MMP8: variants seen among roughly 807,000 people sequenced by gnomAD.
MMP8 encodes matrix metallopeptidase 8, also known as neutrophil collagenase.
MMP8 carries 67 observed loss-of-function variants against 51.2 expected under a neutral mutation model. The observed-to-expected ratio is 1.31, with a 90% CI of 1.08 to 1.60. MMP8 has a LOEUF of 1.60. MMP8 is among the 40% of genes most tolerant of loss of function. MMP8 has a pLI of 0.00. For missense variants in MMP8, 654 were observed against 558.1 expected (o/e 1.17, Z -1.73); for synonymous variants, 225 against 191.0 (o/e 1.18, Z -1.47).
rs1333774921 is a variant in MMP8, at chr11:102,721,601, G to A, written c.496+13C>T. 1 of 1,613,734 alleles carries A rather than the reference G, an allele frequency of 6.2e-7. No homozygotes were observed. Among genetic ancestry groups the A allele is most frequent in the Admixed American group, 1.7e-5 (1 of 59,960 alleles). ...AAAGAAAGCAAAACTGAGCATGACT[G>A]CTTTGTACCTACCTCTTTGGTAAAA... On this transcript the variant is annotated intron_variant, in intron 3 of 9. Transcript: ENST00000236826.
chr11:102,713,608 G>T, intron 9 of MMP8, 146 bp downstream of exon 9: 1 of 991,266 alleles, frequency 1.0e-6, no homozygotes, highest in Non-Finnish European at 1.5e-6. Flanking sequence ...GCTAATGCCT[G>T]TAATCCCAGA....
chr11:102,722,789 C>T (rs1861514186), intron 1 of MMP8, 116 bp from the exon 2 acceptor site: 3 of 1,420,568 alleles, frequency 2.1e-6, no homozygotes, highest in Non-Finnish European at 2.8e-6. Flanking sequence ...GCCACAGGAA[C>T]AATAACACAA....
intron 4 of MMP8, among the ~76,000 whole-genome samples, chr11:102,718,898 G>A (rs929836634): frequency 2.0e-5 from 3 of 152,106 alleles, no homozygotes; most frequent in Non-Finnish European, 4.4e-5. Flanking sequence ...ATGACTTTGG[G>A]AACCCCTCTT....
At chr11:102,722,405 A>C in intron 2 of MMP8, 24 bp downstream of exon 2, 1 of 1,611,832 alleles carries the variant, frequency 6.2e-7, no homozygotes, top group Non-Finnish European at 8.5e-7. Context: ...AAATGAGTGT[A>C]TCCTGAAACC....
intron 1 of MMP8, chr11:102,723,386 G>A (rs1861531423): frequency 2.6e-6 from 1 of 379,484 alleles, no homozygotes; most frequent in Admixed American, 3.1e-5. Flanking sequence ...TGAACACCTG[G>A]CACCTTGTCA....
rs879066200 is a variant in MMP8, at chr11:102,713,368, G to A, written c.1384C>T (p.Leu462Phe). 1.9e-6 allele frequency: 3 copies of A among 1,612,662 alleles called. No homozygotes were observed. Among genetic ancestry groups the A allele is most frequent in the Non-Finnish European group, 2.5e-6 (3 of 1,178,918 alleles). Residue 462 changes from leucine to phenylalanine, a missense_variant, in exon 10 of 10, where the codon CTT (leucine) becomes TTT (phenylalanine). Leu to Phe is a conservative substitution (Grantham distance 22). Coordinates refer to ENST00000236826, the MANE Select transcript of MMP8 (RefSeq NM_002424.3). ...VTRVARGNKW[L>F]NCRYG ...TTGCTTCAGCCATATCTACAGTTAAGCCATTTATTGCCTCTTGCAACTCTG... is the reference window on the plus strand; with the variant it reads ...TTGCTTCAGCCATATCTACAGTTAAACCATTTATTGCCTCTTGCAACTCTG...
chr11:102,719,464 T>A lies in MMP8; in HGVS notation c.623-889A>T, dbSNP rs145028914. Among the ~76,000 whole-genome samples, 22 of 149,644 alleles carry A rather than the reference T, an allele frequency of 1.5e-4. No homozygotes were observed. The East Asian group carries it at 4.1e-3, about 28-fold the overall frequency. ...CTAATGTTATGCAATCCTCATAACA[T>A]TTTTCTGAAGTTTTATTAACAATAT... On this transcript the variant is annotated intron_variant, in intron 4 of 9. Coordinates refer to ENST00000236826, the MANE Select transcript of MMP8 (RefSeq NM_002424.3).
chr11:102,722,795 C>T (rs1461253624), intron 1 of MMP8, 122 bp from the exon 2 acceptor site: 2 of 1,406,124 alleles, frequency 1.4e-6, no homozygotes, highest in South Asian at 1.4e-5. Flanking sequence ...GGAACAATAA[C>T]ACAAATTAAT....
At chr11:102,724,404 T>C (rs1939012) in intron 1 of MMP8, among the ~76,000 whole-genome samples, 88,013 of 152,004 alleles carry the variant, frequency 0.58, 26,033 homozygotes, top group African/African-American at 0.71. Context: ...AGACATATAG[T>C]AACTTGATTG....
At position 102,713,800 on chromosome 11, in the gene MMP8, G is replaced by T. The variant is rs747191851; in HGVS notation, c.1248C>A (p.Ala416=). The T allele has an allele frequency of 6.2e-7, 1 of 1,612,146 alleles. No individual in the cohort carries two copies. Among genetic ancestry groups the T allele is most frequent in the Non-Finnish European group, 8.5e-7 (1 of 1,179,266 alleles). The change falls in exon 9 of 10, where the codon GCC becomes GCA. Residue 416 remains alanine, a synonymous_variant. Transcript: ENST00000236826. ...CAACTTTACTCTCTATTCCTGGAAA[G>T]GCACCTGATATGCTTTTGGGATAAC... is the stretch of plus-strand genomic sequence containing the variant. ...EPGYPKSISG[A]FPGIESKVDA...
intron 4 of MMP8, among the ~76,000 whole-genome samples, chr11:102,718,945 A>G (rs905875966): frequency 6.6e-6 from 1 of 152,162 alleles, no homozygotes; most frequent in African/African-American, 2.4e-5. Context: ...CCACTGTCCC[A>G]GACACTCAGC....
In MMP8 at chr11:102,712,683, A is replaced by T. The variant is rs1347700430; in HGVS notation, c.*665T>A. 1.3e-5 allele frequency: 2 copies of T among 152,158 alleles called. No individual in the cohort carries two copies. Among genetic ancestry groups the T allele is most frequent in the African/African-American group, 4.8e-5 (2 of 41,422 alleles). The allele number at this position is 152,158 out of a possible 1,614,324, so 9.4% of individuals were successfully genotyped here. A position where few individuals can be genotyped will look rare whatever the true frequency, so the allele number is the denominator to read the frequency against. ...AGGTGACTATGCCTCTCTTCTTCTT[A>T]TAAGAACAACAGTCATAATGGATTT... On this transcript the variant is annotated 3_prime_UTR_variant, in exon 10 of 10. Transcript: ENST00000236826.
Position 102,718,519 on chromosome 11 carries a change from G to T in MMP8, c.679C>A (p.His227Asn). ...HEFGHSLGLA[H>N]SSDPGALMYP... ...ATCAAGGCACCAGGGTCAGAGGAGTGAGCGAGCCCCAAAGAATGGCCAAAT... is the reference window on the plus strand; with the variant it reads ...ATCAAGGCACCAGGGTCAGAGGAGTTAGCGAGCCCCAAAGAATGGCCAAAT... Residue 227 changes from histidine (H) to asparagine (N), a missense_variant, in exon 5 of 10, where the codon CAC (histidine) becomes AAC (asparagine). By Grantham distance (68) the His-to-Asn change is moderately conservative. Transcript: ENST00000236826. The T allele has an allele frequency of 6.2e-7, 1 of 1,613,960 alleles. No individual in the cohort carries two copies.
rs5007518 is a variant in MMP8 at position 102,713,735 on chromosome 11, G to A, written c.1294+19C>T. On this transcript the variant is annotated intron_variant, in intron 9 of 9. Transcript: ENST00000236826. The stretch of plus-strand genomic sequence containing the variant: ...AACAAACAAACAACACATTTATTAG[G>A]TTTTTTTTTCCTACTTACGTTCTTG... 1.1e-3 allele frequency: 1,591 copies of A among 1,478,238 alleles called. 26 individuals are homozygous for A. The East Asian group carries it at 0.026, about 24-fold the overall frequency. The allele number at this position is 1,478,238 out of a possible 1,614,324, so 91.6% of individuals were successfully genotyped here. A position where few individuals can be genotyped will look rare whatever the true frequency, so the allele number is the denominator to read the frequency against.
chr11:102,718,032 G>A (rs1366926656), intron 5 of MMP8, among the ~76,000 whole-genome samples: 3 of 151,976 alleles, frequency 2.0e-5, no homozygotes, highest in Non-Finnish European at 4.4e-5. Flanking sequence ...GCTTGAACTT[G>A]GGAGGCAGAG....
In MMP8 at chr11:102,711,806, T is replaced by C. The variant is rs1861131939; in HGVS notation, c.*1542A>G. 1 of 152,170 alleles carries C rather than the reference T, an allele frequency of 6.6e-6. No homozygotes were observed. Among genetic ancestry groups the C allele is most frequent in the South Asian group, 2.1e-4 (1 of 4,832 alleles). 9.4% of individuals were successfully genotyped at this position (152,170 alleles called of 1,614,324 possible). ...CAAATCACAAATCAGTCATTTGAAG[T>C]AAAAATCTTTAATTTGAACTTATTT... On this transcript the variant is annotated 3_prime_UTR_variant, in exon 10 of 10. Transcript: ENST00000236826.
At chr11:102,716,260 T>C in intron 6 of MMP8, 42 bp downstream of exon 6, 1 of 1,334,724 alleles carries the variant, frequency 7.5e-7, no homozygotes, top group Admixed American at 1.8e-5. Flanking sequence ...TTAAGGTATG[T>C]CAGTAAGAGG....
At chr11:102,721,808 A>G (rs778198323) in intron 2 of MMP8, 46 bp from the exon 3 acceptor site, 3 of 1,599,820 alleles carry the variant, frequency 1.9e-6, no homozygotes, top group South Asian at 2.2e-5. Flanking sequence ...TATTTAGAAC[A>G]GTAGTCCATC....
Position 102,721,708 on chromosome 11 carries a change from C to T in MMP8, c.402G>A (p.Lys134=), listed in dbSNP as rs1272465083. ...CAACACTCCAGAGTTCAAAGGCATC[C>T]TTGATAGCTCTTTCTACCTCAGCCT... The part of the protein sequence containing the change: ...LSEAEVERAI[K]DAFELWSVAS... The change falls in exon 3 of 10, where the codon AAG becomes AAA. Residue 134 remains lysine (K), a synonymous_variant. Transcript: ENST00000236826. 6.2e-7 allele frequency: 1 copy of T among 1,613,610 alleles called. No individual in the cohort carries two copies. The highest frequency in any genetic ancestry group is 8.5e-7 in the Non-Finnish European group (1 of 1,179,764).
Sources: gnomAD v4.1 joint callset for allele counts (sites outside exome capture counted in the v4.1 genomes callset) on GRCh38, gnomAD v4.1.1 for gene constraint, MANE v1.5 for transcripts, NCBI Gene and HGNC (gene_info 2026-07-23, HGNC 2026-07-21) for gene names.